The following HECTD3 variants were observed in gnomAD, a reference collection of about 807,000 sequenced individuals.
The protein encoded by HECTD3 is HECT domain E3 ubiquitin protein ligase 3.
In HECTD3, 72 loss-of-function variants were observed where a neutral mutation model predicts 109.3. The ratio of observed to expected loss-of-function variants is 0.66; its 90% CI spans 0.54 to 0.80. HECTD3 has a LOEUF of 0.80. HECTD3 is among the 30% of genes least tolerant of loss of function. The pLI is 0.00. For synonymous variants in HECTD3, 481 were observed against 471.8 expected (o/e 1.02, Z -0.25); for missense variants, 1,041 against 1,165.2 (o/e 0.89, Z 1.55).
chr1:45,008,806 C>T (rs563929198), intron 7 of HECTD3, 105 bp from the exon 8 acceptor site: 2 of 1,083,080 alleles, frequency 1.8e-6, no homozygotes, highest in East Asian at 2.4e-5. Flanking sequence ...TCACCGTTAG[C>T]CCCTAGAAAC....
At chr1:45,009,543 C>G (rs374967129) in intron 5 of HECTD3, 25 bp downstream of exon 5, 1 of 1,606,372 alleles carries the variant, frequency 6.2e-7, no homozygotes, top group Non-Finnish European at 8.5e-7. Context: ...GCCCACCCAC[C>G]CTGTCCTGCC....
Position 45,004,810 on chromosome 1 carries a change from G to C in HECTD3, c.1936-4C>G, listed in dbSNP as rs754606491. 1.2e-6 allele frequency: 2 copies of C among 1,613,940 alleles called. No individual in the cohort carries two copies. The highest frequency in any genetic ancestry group is 2.2e-5 in the South Asian group (2 of 91,088). ...CCATCACTTCCAGGAGCTTCACCTA[G>C]GGGTTGGAGAGAGGCAGGGAGGTAA... On this transcript the variant is annotated splice_polypyrimidine_tract_variant and splice_region_variant and intron_variant, in intron 15 of 20. Coordinates refer to ENST00000372172, the MANE Select transcript of HECTD3 (RefSeq NM_024602.6).
intron 9 of HECTD3, 21 bp from the exon 10 acceptor site, chr1:45,007,616 GA>G: frequency 6.3e-7 from 1 of 1,596,890 alleles, no homozygotes; most frequent in Non-Finnish European, 8.5e-7. Context: ...GAGGTGGCCA[GA>G]GCAGGAATGA....
chr1:45,011,041 G>C lies in HECTD3; in HGVS notation c.217C>G (p.Leu73Val). Residue 73 changes from leucine to valine, a missense_variant, in exon 1 of 21, where the codon CTG becomes GTG. Leu to Val is a conservative substitution (Grantham distance 32). Transcript: ENST00000372172. ...GCTGGGCCTGCGGCGCCCACACGCA[G>C]CCCCAGGCCCTCTGCCTCCCACACC... ...LPVWEAEGLG[L>V]RVGAAGPAPG... 1 of 1,428,348 alleles carries C rather than the reference G, an allele frequency of 7.0e-7. No individual in the cohort carries two copies. Among genetic ancestry groups the C allele is most frequent in the East Asian group, 2.9e-5 (1 of 34,856 alleles). The allele number at this position is 1,428,348 out of a possible 1,614,324, so 88.5% of individuals were successfully genotyped here.
rs1380549966 is a variant in HECTD3, at chr1:45,010,365, A to T, written c.531-72T>A. ...GCAAGACACTACCTCCATGCCGTGT[A>T]GCCTTCTTCAGGGCTCTATCTCCCA... On this transcript the variant is annotated intron_variant, in intron 2 of 20. Transcript: ENST00000372172. The T allele has an allele frequency of 8.0e-6, 12 of 1,496,052 alleles. No individual in the cohort carries two copies. The Admixed American group carries it at 2.0e-4, about 25-fold the overall frequency. The allele number at this position is 1,496,052 out of a possible 1,614,324, so 92.7% of individuals were successfully genotyped here.
At position 45,011,164 on chromosome 1, in the gene HECTD3, C is replaced by G; in HGVS notation, c.94G>C (p.Ala32Pro). The change falls in exon 1 of 21, where the codon GCC (alanine) becomes CCC (proline). Residue 32 changes from alanine (A) to proline (P), a missense_variant. By Grantham distance (27) the Ala-to-Pro change is conservative. Transcript: ENST00000372172. ...AGCGCTGCTGGCAGCGGCCGCCCGG[C>G]GCGGAGGCTCCGCGCTGCCTCTGCC... ...FLAEAARSLR[A>P]GRPLPAALAF... The G allele has an allele frequency of 6.7e-7, 1 of 1,496,108 alleles. No homozygotes were observed. Among genetic ancestry groups the G allele is most frequent in the South Asian group, 1.3e-5 (1 of 79,732 alleles). The allele number at this position is 1,496,108 out of a possible 1,614,324, so 92.7% of individuals were successfully genotyped here. A position where few individuals can be genotyped will look rare whatever the true frequency, so the allele number is the denominator to read the frequency against.
In HECTD3 at chr1:45,004,257, G is replaced by C. The variant is rs748936991; in HGVS notation, c.2263C>G (p.Arg755Gly). ...GCCTTGGGGAACTCACTGAGCTTGC[G>C]CAGAGCATCCACAGTGACCTCTGGA... ...GDPEVTVDAL[R>G]KLTRFEDFEP... The change falls in exon 17 of 21, where the codon CGC becomes GGC. Residue 755 changes from arginine (R) to glycine (G), a missense_variant. Arg to Gly is a moderately radical substitution (Grantham distance 125). This residue lies in a region of HECTD3 where 569 missense variants were observed against 715.3 expected (regional missense o/e 0.80). Coordinates refer to ENST00000372172, the MANE Select transcript of HECTD3 (RefSeq NM_024602.6). 2 of 1,613,898 alleles carry C rather than the reference G, an allele frequency of 1.2e-6. No homozygotes were observed. The highest frequency in any genetic ancestry group is 2.7e-5 in the African/African-American group (2 of 74,930).
At chr1:45,008,381 C>T in intron 8 of HECTD3, 60 bp from the exon 9 acceptor site, 1 of 1,519,456 alleles carries the variant, frequency 6.6e-7, no homozygotes, top group Non-Finnish European at 9.1e-7. Context: ...ACCCCCAACT[C>T]CCCAACATAA....
chr1:45,009,699 G>A lies in HECTD3; in HGVS notation c.760-16C>T. 1 of 1,588,150 alleles carries A rather than the reference G, an allele frequency of 6.3e-7. No individual in the cohort carries two copies. The highest frequency in any genetic ancestry group is 8.6e-7 in the Non-Finnish European group (1 of 1,157,310). ...TGAACTCCTCCTGGGGAGGGGCAGA[G>A]ACGTGAAGTCAGCAGTTACCCTCCC... On this transcript the variant is annotated splice_polypyrimidine_tract_variant and intron_variant, in intron 4 of 20. Transcript: ENST00000372172.
In HECTD3 at chr1:45,004,586, C is replaced by T; in HGVS notation, c.2142+14G>A. On this transcript the variant is annotated intron_variant, in intron 16 of 20. Coordinates refer to ENST00000372172, the MANE Select transcript of HECTD3 (RefSeq NM_024602.6). ...GGGCCAAAGCTCTCTGCTCTACTAG[C>T]CTCTGGGTACTACCTGCTCCTTGCT... is the stretch of plus-strand genomic sequence containing the variant. 6.2e-7 allele frequency: 1 copy of T among 1,613,748 alleles called. No homozygotes were observed. Among genetic ancestry groups the T allele is most frequent in the Non-Finnish European group, 8.5e-7 (1 of 1,179,920 alleles).
chr1:45,006,913 G>A lies in HECTD3; in HGVS notation c.1621+38C>T. ...AAGCCTCTACCACTTTGATAGGGCA[G>A]CAAGCAGGACCCTTGAGATCCTCCC... On this transcript the variant is annotated intron_variant, in intron 12 of 20. Transcript: ENST00000372172. This position sits in a 1 kb window ranked among gnomAD's most constrained non-coding sequence, Gnocchi z 4.7. 1.2e-6 allele frequency: 2 copies of A among 1,606,754 alleles called. No homozygotes were observed. The highest frequency in any genetic ancestry group is 1.7e-6 in the Non-Finnish European group (2 of 1,173,324).
rs773765370 is a variant in HECTD3 at position 45,010,019 on chromosome 1, C to T, written c.726G>A (p.Gln242=). 1.3e-6 allele frequency: 2 copies of T among 1,552,846 alleles called. No individual in the cohort carries two copies. Among genetic ancestry groups the T allele is most frequent in the Non-Finnish European group, 1.7e-6 (2 of 1,146,232 alleles). The change falls in exon 4 of 21, where the codon CAG becomes CAA. Residue 242 remains glutamine, a synonymous_variant. Transcript: ENST00000372172. ...AGGAAACGTCTATGCTCTCCACATA[C>T]TGCTTCACGCTACCCAGGTTCTCAT... ...KEDENLGSVK[Q]YVESIDVSSY... is the part of the protein sequence containing the mutation.
intron 7 of HECTD3, 105 bp downstream of exon 7, chr1:45,009,039 C>T: frequency 1.0e-6 from 1 of 956,452 alleles, no homozygotes; most frequent in South Asian, 1.4e-5. Context: ...TCAGCATCGC[C>T]TTCACCCCAA....
rs1479640407 is a variant in HECTD3 at position 45,010,942 on chromosome 1, T to C, written c.316A>G (p.Thr106Ala). 6.5e-7 allele frequency: 1 copy of C among 1,539,662 alleles called. No homozygotes were observed. Among genetic ancestry groups the C allele is most frequent in the Middle Eastern group, 1.7e-4 (1 of 5,726 alleles). Residue 106 changes from threonine to alanine, a missense_variant, in exon 1 of 21, where the codon ACC (threonine) becomes GCC (alanine). Physicochemically the swap from Thr to Ala is moderately conservative, Grantham distance 58. This residue lies in a region of HECTD3 where 472 missense variants were observed against 449.9 expected (regional missense o/e 1.05). Transcript: ENST00000372172. ...IELRRGACVR[T>A]TGEELCNGHG... ...CCATTGCACAGCTCCTCGCCCGTGG[T>C]GCGCACGCAGGCGCCGCGCCGGAGC...
Position 45,011,299 on chromosome 1 carries a change from G to T in HECTD3, c.-42C>A. The T allele has an allele frequency of 7.4e-7, 1 of 1,350,362 alleles. No individual in the cohort carries two copies. The highest frequency in any genetic ancestry group is 9.5e-7 in the Non-Finnish European group (1 of 1,056,552). The allele number at this position is 1,350,362 out of a possible 1,614,324, so 83.6% of individuals were successfully genotyped here. A position where few individuals can be genotyped will look rare whatever the true frequency, so the allele number is the denominator to read the frequency against. On this transcript the variant is annotated 5_prime_UTR_variant, in exon 1 of 21. Coordinates refer to ENST00000372172, the MANE Select transcript of HECTD3 (RefSeq NM_024602.6). ...TGAGCACCTAGAGGCGACCCTGCCC[G>T]GGGAACAGCTGGCGCGACCGCGGAC...
rs1644788981 is a variant in HECTD3, at chr1:45,011,130, A to G, written c.128T>C (p.Val43Ala). ...AAGCTTGTAGAGCACCTCTCGCGGC[A>G]CGAAAGCCAGCGCTGCTGGCAGCGG... is the stretch of plus-strand genomic sequence containing the variant. ...GRPLPAALAFVPREVLYKLYK... is the reference protein window; with the variant it reads ...GRPLPAALAFAPREVLYKLYK... Residue 43 changes from valine (V) to alanine (A), a missense_variant, in exon 1 of 21, where the codon GTG (valine) becomes GCG (alanine). Around this residue, in one of 2 missense-constraint regions of HECTD3, gnomAD observed 472 missense variants for 449.9 expected, o/e 1.05. Coordinates refer to ENST00000372172, the MANE Select transcript of HECTD3 (RefSeq NM_024602.6). The G allele has an allele frequency of 6.6e-7, 1 of 1,511,096 alleles. No individual in the cohort carries two copies. The highest frequency in any genetic ancestry group is 8.8e-7 in the Non-Finnish European group (1 of 1,138,138). 93.6% of individuals were successfully genotyped at this position (1,511,096 alleles called of 1,614,324 possible).
In HECTD3 at chr1:45,002,558, C is replaced by T. The variant is rs1209639123; in HGVS notation, c.*934G>A. ...CACATTCTGAAGGAATGAATTCATC[C>T]ATTTATTCAACTTTCCGGTATGCAA... On this transcript the variant is annotated 3_prime_UTR_variant, in exon 21 of 21. Coordinates refer to ENST00000372172, the MANE Select transcript of HECTD3 (RefSeq NM_024602.6). The T allele has an allele frequency of 2.6e-5, 4 of 152,224 alleles. No individual in the cohort carries two copies. Among genetic ancestry groups the T allele is most frequent in the African/African-American group, 9.7e-5 (4 of 41,430 alleles). The allele number at this position is 152,224 out of a possible 1,614,324, so 9.4% of individuals were successfully genotyped here.
At chr1:45,009,939 G>T (rs748673414) in intron 4 of HECTD3, 47 bp downstream of exon 4, 1 of 1,515,612 alleles carries the variant, frequency 6.6e-7, no homozygotes, top group Admixed American at 2.2e-5. Flanking sequence ...TAGCCTTGAG[G>T]GGTGTGACTA....
At position 45,004,267 on chromosome 1, in the gene HECTD3, C is replaced by G; in HGVS notation, c.2253G>C (p.Val751=). The G allele has an allele frequency of 6.2e-7, 1 of 1,614,036 alleles. No homozygotes were observed. The highest frequency in any genetic ancestry group is 8.5e-7 in the Non-Finnish European group (1 of 1,179,896). The change falls in exon 17 of 21, where the codon GTG becomes GTC. Residue 751 remains valine (V), a synonymous_variant. Transcript: ENST00000372172. ...KKVCGDPEVT[V]DALRKLTRFE... The stretch of plus-strand genomic sequence containing the variant: ...ACTCACTGAGCTTGCGCAGAGCATC[C>G]ACAGTGACCTCTGGATCCCCACACA...
Sources: gnomAD v4.1 joint callset for allele counts on GRCh38, gnomAD v4.1.1 for gene constraint, gnomAD v4.1.1 regional missense constraint, Gnocchi (gnomAD v3.1) non-coding constraint, MANE v1.5 for transcripts, NCBI Gene and HGNC (gene_info 2026-07-23, HGNC 2026-07-21) for gene names.